ANKRD44: variants seen among roughly 807,000 people sequenced by gnomAD.
ANKRD44 encodes serine/threonine-protein phosphatase 6 regulatory ankyrin repeat subunit B.
Under a neutral mutation model 116.0 loss-of-function variants are expected in ANKRD44, and 35 were observed. That is an observed-to-expected ratio of 0.30 (90% CI 0.23 to 0.40). The LOEUF is 0.40. ANKRD44 is among the 10% of genes least tolerant of loss of function. The pLI, the probability that ANKRD44 is intolerant of heterozygous loss-of-function variation, is 1.00. For synonymous variants in ANKRD44, 435 were observed against 461.8 expected, an observed-to-expected ratio of 0.94 and a Z score of 0.74; for missense variants, 1,014 against 1,242.6, an observed-to-expected ratio of 0.82 and a Z score of 2.77.
At position 197,212,974 on chromosome 2, in the gene ANKRD44, C is replaced by T. The variant is rs561619250; in HGVS notation, c.28-25868G>A. 2.0e-5 allele frequency among the ~76,000 whole-genome samples: 3 copies of T among 152,270 alleles called. No individual in the cohort carries two copies. In the East Asian group the frequency reaches 5.8e-4, roughly 29 times the overall value. ...AAACATATTTTTCATACAAGTTGGCCCCTAAATGCAAGCCAACTTCTTATC... is the reference window on the plus strand; with the variant it reads ...AAACATATTTTTCATACAAGTTGGCTCCTAAATGCAAGCCAACTTCTTATC... On this transcript the variant is annotated intron_variant, in intron 1 of 27. Transcript: ENST00000282272. The surrounding 1 kb of genome is among the most constrained non-coding windows in gnomAD (Gnocchi z 4.8).
At chr2:197,151,626 C>T (rs773476443) in intron 2 of ANKRD44, among the ~76,000 whole-genome samples, 9 of 152,176 alleles carry the variant, frequency 5.9e-5, no homozygotes, top group Non-Finnish European at 7.3e-5. Flanking sequence ...GTTTTACAAT[C>T]ATTTATTCAG....
At chr2:197,275,013 G>A (rs2083032471) in intron 1 of ANKRD44, among the ~76,000 whole-genome samples, 1 of 152,106 alleles carries the variant, frequency 6.6e-6, no homozygotes, top group Admixed American at 6.5e-5. Context: ...GTGGTAGGAG[G>A]ACTGCTTGAA....
At chr2:197,145,561 T>G (rs1030603066) in intron 3 of ANKRD44, among the ~76,000 whole-genome samples, 6 of 152,156 alleles carry the variant, frequency 3.9e-5, no homozygotes, top group Non-Finnish European at 7.4e-5. Flanking sequence ...AGGCCTATTC[T>G]CAAAAGCACA....
chr2:197,018,965 T>C (rs1212447474), intron 17 of ANKRD44, among the ~76,000 whole-genome samples: 1 of 152,200 alleles, frequency 6.6e-6, no homozygotes, highest in African/African-American at 2.4e-5. Flanking sequence ...ATCAGGATTC[T>C]GAACCCAGAA....
intron 3 of ANKRD44, among the ~76,000 whole-genome samples, chr2:197,140,361 A>G (rs1345665749): frequency 6.6e-6 from 1 of 151,988 alleles, no homozygotes; most frequent in Non-Finnish European, 1.5e-5. Context: ...TCACTCTGTC[A>G]CTCAGGCTGG....
chr2:197,133,890 C>T (rs1028148910), intron 4 of ANKRD44: 1 of 151,440 alleles, frequency 6.6e-6, no homozygotes, highest in African/African-American at 2.4e-5. Context: ...CGTCAGCTCT[C>T]ACAATGGTTA....
At chr2:197,020,782 T>A (rs944480381) in intron 17 of ANKRD44, among the ~76,000 whole-genome samples, 12 of 151,398 alleles carry the variant, frequency 7.9e-5, no homozygotes, top group South Asian at 2.1e-4. Context: ...TTCTTTTTTT[T>A]TATAATTATA....
At chr2:197,254,393 C>A (rs1296285289) in intron 1 of ANKRD44, among the ~76,000 whole-genome samples, 1 of 149,656 alleles carries the variant, frequency 6.7e-6, no homozygotes, top group Non-Finnish European at 1.5e-5. Flanking sequence ...TAAAAAACAA[C>A]AACAACAAAA....
At chr2:197,102,069 A>G (rs956535431) in intron 9 of ANKRD44, among the ~76,000 whole-genome samples, 4 of 152,086 alleles carry the variant, frequency 2.6e-5, no homozygotes, top group African/African-American at 9.7e-5. Context: ...ACAAAAAACA[A>G]AAACAAAAAC....
intron 16 of ANKRD44, among the ~76,000 whole-genome samples, chr2:197,056,295 C>A (rs971287641): frequency 6.6e-6 from 1 of 151,936 alleles, no homozygotes; most frequent in African/African-American, 2.4e-5. Flanking sequence ...AAAAAAAAAC[C>A]CTGCTGGGAT....
chr2:196,993,802 T>C, intron 26 of ANKRD44, 128 bp from the exon 27 acceptor site: 1 of 707,094 alleles, frequency 1.4e-6, no homozygotes, highest in Non-Finnish European at 2.3e-6. Context: ...ATGTTTTTAC[T>C]TAAGAAAAAA....
chr2:197,244,953 A>C (rs1304709530), intron 1 of ANKRD44, among the ~76,000 whole-genome samples: 2 of 152,166 alleles, frequency 1.3e-5, no homozygotes, highest in Non-Finnish European at 2.9e-5. Flanking sequence ...AATCTAAAAT[A>C]TTTAGGGAAA....
chr2:196,985,284 A>T (rs543192610), downstream of ANKRD44, among the ~76,000 whole-genome samples: 2 of 152,204 alleles, frequency 1.3e-5, no homozygotes, highest in Non-Finnish European at 2.9e-5. Context: ...ACCCAGCTAA[A>T]CTAGGGCTGA....
intron 1 of ANKRD44, among the ~76,000 whole-genome samples, chr2:197,191,861 C>A (rs538302651): frequency 3.3e-5 from 5 of 152,248 alleles, no homozygotes; most frequent in African/African-American, 1.2e-4. Context: ...CCTGAGGATC[C>A]AGGTTTTAGA....
At chr2:197,130,461 T>G (rs928796857) in intron 4 of ANKRD44, among the ~76,000 whole-genome samples, 1 of 152,202 alleles carries the variant, frequency 6.6e-6, no homozygotes, top group Non-Finnish European at 1.5e-5. Context: ...GTAGACGACA[T>G]GTATCAGAAT....
In ANKRD44 at chr2:197,099,534, A is replaced by G. The variant is rs956947924; in HGVS notation, c.1100+282T>C. 48 of 1,131,018 alleles carry G rather than the reference A, an allele frequency of 4.2e-5. No individual in the cohort carries two copies. In the South Asian group the frequency reaches 1.2e-3, roughly 29 times the overall value. The allele number at this position is 1,131,018 out of a possible 1,614,324, so 70.1% of individuals were successfully genotyped here. ...TTTAATATGAAGCATTGGGAAGGAC[A>G]GAAGAATATTAGAAAGAAAAGTTAC... On this transcript the variant is annotated intron_variant, in intron 10 of 27. Transcript: ENST00000282272.
intron 18 of ANKRD44, among the ~76,000 whole-genome samples, chr2:197,011,163 G>A (rs1443231291): frequency 6.6e-6 from 1 of 152,158 alleles, no homozygotes; most frequent in African/African-American, 2.4e-5. Context: ...TTTAATGTAT[G>A]GCTAAAAGGA....
intron 20 of ANKRD44, among the ~76,000 whole-genome samples, chr2:197,007,340 T>A (rs1323055316): frequency 6.6e-6 from 1 of 152,124 alleles, no homozygotes; most frequent in African/African-American, 2.4e-5. Context: ...CCAAATGATA[T>A]CTTCAGTATT....
chr2:197,309,205 T>C (rs1031776483), intron 1 of ANKRD44, among the ~76,000 whole-genome samples: 3 of 152,176 alleles, frequency 2.0e-5, no homozygotes, highest in Non-Finnish European at 4.4e-5. Flanking sequence ...AATACGCAAA[T>C]GTCTAACAGT....
Sources: gnomAD v4.1 joint callset for allele counts (sites outside exome capture counted in the v4.1 genomes callset) on GRCh38, gnomAD v4.1.1 for gene constraint, Gnocchi (gnomAD v3.1) non-coding constraint, MANE v1.5 for transcripts, NCBI Gene and HGNC (gene_info 2026-07-23, HGNC 2026-07-21) for gene names.